GPAT4: variants seen among roughly 807,000 people sequenced by gnomAD.
The protein encoded by GPAT4 is glycerol-3-phosphate acyltransferase 4, also known as 1-AGP acyltransferase 6.
Under a neutral mutation model 58.0 loss-of-function variants are expected in GPAT4, and 17 were observed. The observed-to-expected ratio is 0.29, with a 90% confidence interval of 0.20 to 0.44. GPAT4 has a LOEUF of 0.44. GPAT4 is among the 20% of genes least tolerant of loss of function. The pLI, the probability that GPAT4 is intolerant of heterozygous loss-of-function variation, is 1.00. For synonymous variants in GPAT4, 204 were observed against 210.1 expected, an observed-to-expected ratio of 0.97 and a Z score of 0.25; for missense variants, 377 against 574.5, an observed-to-expected ratio of 0.66 and a Z score of 3.51.
chr8:41,583,606 T>C (rs907571041), intron 1 of GPAT4, among the ~76,000 whole-genome samples: 2 of 152,238 alleles, frequency 1.3e-5, no homozygotes, highest in African/African-American at 4.8e-5. Context: ...TGCTAAGTCA[T>C]TGAACTCCAG....
chr8:41,588,442 A>AGTTTT (rs1554501091), intron 1 of GPAT4, among the ~76,000 whole-genome samples: 1 of 151,224 alleles, frequency 6.6e-6, no homozygotes, highest in African/African-American at 2.4e-5. Context: ...ATTTAAATTA[A>AGTTTT]GTTCTGTTCT....
At chr8:41,615,137 C>T in intron 10 of GPAT4, 89 bp downstream of exon 10, 1 of 1,222,508 alleles carries the variant, frequency 8.2e-7, no homozygotes, top group Admixed American at 1.9e-5. Context: ...GAGCTGGGGT[C>T]ACCAGTCTGT....
At chr8:41,611,724 CT>C (rs1262235212) in intron 5 of GPAT4, among the ~76,000 whole-genome samples, 178 bp from the exon 6 acceptor site, 1 of 152,204 alleles carries the variant, frequency 6.6e-6, no homozygotes, top group Non-Finnish European at 1.5e-5. Context: ...CCTGTCCCCT[CT>C]TTCTCTCCTC....
chr8:41,605,480 G>A (rs1023924246), intron 2 of GPAT4, among the ~76,000 whole-genome samples: 11 of 152,196 alleles, frequency 7.2e-5, no homozygotes, highest in African/African-American at 1.9e-4. Flanking sequence ...AAAACACGGC[G>A]CATGGAGGGA....
chr8:41,595,517 G>C (rs1187957821), intron 1 of GPAT4, among the ~76,000 whole-genome samples: 1 of 152,060 alleles, frequency 6.6e-6, no homozygotes, highest in African/African-American at 2.4e-5. Flanking sequence ...GAAGGCTACA[G>C]GTTGTTAGTG....
chr8:41,618,839 C>G (rs184461704), intron 11 of GPAT4, 27 bp downstream of exon 11: 1 of 1,614,230 alleles, frequency 6.2e-7, no homozygotes. Flanking sequence ...GGCAGGTCTG[C>G]GCCTGCTCTG....
At chr8:41,601,535 G>A (rs985575766) in intron 2 of GPAT4, among the ~76,000 whole-genome samples, 2 of 152,100 alleles carry the variant, frequency 1.3e-5, no homozygotes, top group African/African-American at 4.8e-5. Flanking sequence ...AGTGAGTGGT[G>A]TCTGGTGTCT....
At position 41,596,244 on chromosome 8, in the gene GPAT4, C is replaced by T. The variant is rs139322406; in HGVS notation, c.-848-2048C>T. Among the ~76,000 whole-genome samples the T allele has an allele frequency of 8.2e-4, 125 of 152,068 alleles. 2 individuals carry two copies. Among genetic ancestry groups the T allele is most frequent in the African/African-American group, 2.7e-3 (110 of 41,440 alleles). On this transcript the variant is annotated intron_variant, in intron 1 of 12. Coordinates refer to ENST00000396987, the MANE Select transcript of GPAT4 (RefSeq NM_178819.4). ...ACCCATGCTTCCTTGAGACAAAACACCACGCTCACCCCACACACACACCAC... is the reference window on the plus strand; with the variant it reads ...ACCCATGCTTCCTTGAGACAAAACATCACGCTCACCCCACACACACACCAC...
Position 41,622,774 on chromosome 8 carries a change from G to A in GPAT4, c.*1773G>A, listed in dbSNP as rs903835734. The A allele has an allele frequency of 6.6e-6, 1 of 151,972 alleles. No homozygotes were observed. The highest frequency in any genetic ancestry group is 2.4e-5 in the African/African-American group (1 of 41,350). 9.4% of individuals were successfully genotyped at this position (151,972 alleles called of 1,614,324 possible). A position where few individuals can be genotyped will look rare whatever the true frequency, so the allele number is the denominator to read the frequency against. ...TCACCTGCCCTGTTGCCAGCCCGGG[G>A]GAAATCTTTTTGCTCTCAAATGAAG... is the stretch of plus-strand genomic sequence containing the variant. On this transcript the variant is annotated 3_prime_UTR_variant, in exon 13 of 13. Coordinates refer to ENST00000396987, the MANE Select transcript of GPAT4 (RefSeq NM_178819.4).
intron 5 of GPAT4, among the ~76,000 whole-genome samples, chr8:41,611,443 A>C (rs923294487): frequency 1.3e-5 from 2 of 152,250 alleles, no homozygotes; most frequent in African/African-American, 4.8e-5. Flanking sequence ...CTGTGTGGAT[A>C]AAGTGATGAG....
At position 41,609,706 on chromosome 8, in the gene GPAT4, G is replaced by A. The variant is rs372267172; in HGVS notation, c.287G>A (p.Arg96His). ...TSLEEEIKEIRRSGSSKALDN... is the reference protein window; with the variant it reads ...TSLEEEIKEIHRSGSSKALDN... The stretch of plus-strand genomic sequence containing the variant: ...CTAGAAGAAGAGATCAAAGAGATTC[G>A]TCGAAGTGGTAGTAGTAAGGCTCTG... Residue 96 changes from arginine to histidine, a missense_variant, in exon 4 of 13, where the codon CGT becomes CAT. Physicochemically the swap from Arg to His is conservative, Grantham distance 29. Coordinates refer to ENST00000396987, the MANE Select transcript of GPAT4 (RefSeq NM_178819.4). 2.5e-6 allele frequency: 4 copies of A among 1,613,890 alleles called. No individual in the cohort carries two copies. The highest frequency in any genetic ancestry group is 1.3e-5 in the African/African-American group (1 of 74,894).
At chr8:41,603,896 AGAATGAAT>A (rs56179166) in intron 2 of GPAT4, among the ~76,000 whole-genome samples, 12 of 150,832 alleles carry the variant, frequency 8.0e-5, no homozygotes, top group African/African-American at 1.5e-4. Context: ...TCAGCTGCAC[AGAATGAAT>A]GAATGAATGA....
intron 3 of GPAT4, 23 bp from the exon 4 acceptor site, chr8:41,609,632 G>A (rs1803383164): frequency 3.7e-6 from 6 of 1,608,106 alleles, no homozygotes; most frequent in Non-Finnish European, 5.1e-6. Flanking sequence ...CGTGCTGCTT[G>A]ACAGGGACAC....
intron 7 of GPAT4, 121 bp downstream of exon 7, chr8:41,612,394 C>A: frequency 2.1e-6 from 2 of 937,130 alleles, no homozygotes; most frequent in Non-Finnish European, 3.2e-6. Flanking sequence ...CCCCACCTTA[C>A]TGTCACTGTG....
At chr8:41,582,413 C>G (rs1351743263) in intron 1 of GPAT4, among the ~76,000 whole-genome samples, 1 of 151,140 alleles carries the variant, frequency 6.6e-6, no homozygotes, top group East Asian at 2.0e-4. Context: ...GTACCATTTT[C>G]TTCACCTTGG....
intron 1 of GPAT4, among the ~76,000 whole-genome samples, chr8:41,592,239 T>C (rs1348056467): frequency 1.3e-5 from 2 of 152,180 alleles, no homozygotes; most frequent in African/African-American, 4.8e-5. Context: ...GTTGGGTAAT[T>C]TGGCTTAAGC....
intron 1 of GPAT4, among the ~76,000 whole-genome samples, chr8:41,582,477 ATCTT>A (rs1003757494): frequency 6.0e-4 from 58 of 96,646 alleles, no homozygotes; most frequent in Middle Eastern, 0.012. Context: ...ACACACACAC[ATCTT>A]TCTTTCTTTC....
At chr8:41,603,156 A>G (rs1318459412) in intron 2 of GPAT4, among the ~76,000 whole-genome samples, 2 of 152,224 alleles carry the variant, frequency 1.3e-5, no homozygotes, top group African/African-American at 2.4e-5. Context: ...GAGCCGGAAG[A>G]AAGTTCAGAG....
At chr8:41,583,352 G>A (rs1414306094) in intron 1 of GPAT4, among the ~76,000 whole-genome samples, 7 of 150,672 alleles carry the variant, frequency 4.6e-5, no homozygotes, top group East Asian at 1.9e-4. Context: ...AGCTCTCAAC[G>A]TCCACCCTTC....
Sources: allele counts gnomAD v4.1 joint callset (sites outside exome capture counted in the v4.1 genomes callset), GRCh38; gene constraint gnomAD v4.1.1; transcripts MANE v1.5; gene names NCBI Gene and HGNC (gene_info 2026-07-23, HGNC 2026-07-21).